SLC24A3: variants seen among roughly 807,000 people sequenced by gnomAD.
SLC24A3 encodes sodium/potassium/calcium exchanger 3.
SLC24A3 carries 28 observed loss-of-function variants against 75.8 expected under a neutral mutation model. The observed-to-expected ratio is 0.37, with a 90% confidence interval of 0.27 to 0.51. The LOEUF is 0.51. Among genes scored for constraint, SLC24A3 ranks in the 20% least tolerant of loss-of-function variants. SLC24A3 has a pLI of 0.94. For missense variants in SLC24A3, 663 were observed against 847.8 expected, an observed-to-expected ratio of 0.78 and a Z score of 2.71; for synonymous variants, 372 against 334.1, an observed-to-expected ratio of 1.11 and a Z score of -1.24.
At chr20:19,667,747 C>T (rs568100736) in intron 8 of SLC24A3, among the ~76,000 whole-genome samples, 15 of 152,356 alleles carry the variant, frequency 9.8e-5, no homozygotes, top group African/African-American at 3.4e-4. Flanking sequence ...GCCCATTTCA[C>T]TCCGTATCCT....
chr20:19,237,786 T>A (rs932839362), intron 1 of SLC24A3, among the ~76,000 whole-genome samples: 1 of 152,168 alleles, frequency 6.6e-6, no homozygotes, highest in African/African-American at 2.4e-5. Flanking sequence ...TGGTTTGGCC[T>A]CCTTCTCATC....
chr20:19,539,145 T>C (rs1194465784), intron 3 of SLC24A3, among the ~76,000 whole-genome samples: 4 of 151,834 alleles, frequency 2.6e-5, no homozygotes, highest in African/African-American at 9.7e-5. Context: ...CTGTTGTTTC[T>C]TGGGCTGATT....
chr20:19,585,698 C>G (rs2122638243), intron 6 of SLC24A3, among the ~76,000 whole-genome samples, 154 bp downstream of exon 6: 1 of 152,284 alleles, frequency 6.6e-6, no homozygotes, highest in South Asian at 2.1e-4. Context: ...TCCCAGGAGG[C>G]TGGCCCAGCT....
In SLC24A3 at chr20:19,721,340, A is replaced by G; in HGVS notation, c.*200A>G. 1 of 553,760 alleles carries G rather than the reference A, an allele frequency of 1.8e-6. No individual in the cohort carries two copies. The highest frequency in any genetic ancestry group is 1.9e-5 in the African/African-American group (1 of 51,486). 34.3% of individuals were successfully genotyped at this position (553,760 alleles called of 1,614,324 possible). ...CCACCTCCTTGGGTCATGCCCACCC[A>G]CCCTTTCCTGCCTCCTCCGTGTGAA... On this transcript the variant is annotated 3_prime_UTR_variant, in exon 17 of 17. Transcript: ENST00000328041.
At chr20:19,243,339 G>A (rs528734913) in intron 1 of SLC24A3, among the ~76,000 whole-genome samples, 12 of 152,362 alleles carry the variant, frequency 7.9e-5, no homozygotes, top group Non-Finnish European at 1.6e-4. Context: ...TGGGCTACAG[G>A]AGGTGAGGGA....
chr20:19,612,978 C>A (rs956736159), intron 6 of SLC24A3, among the ~76,000 whole-genome samples: 1 of 152,214 alleles, frequency 6.6e-6, no homozygotes, highest in Admixed American at 6.5e-5. Context: ...GTTTCCCACA[C>A]GGTCCTGCCT....
At chr20:19,213,461 G>A (rs1166748244) in intron 1 of SLC24A3, 1 of 152,710 alleles carries the variant, frequency 6.5e-6, no homozygotes, top group Non-Finnish European at 1.5e-5. Flanking sequence ...GGGATGGCCC[G>A]AGTAGAGAGC....
intron 1 of SLC24A3, among the ~76,000 whole-genome samples, chr20:19,265,063 C>T (rs1192722782): frequency 6.6e-6 from 1 of 152,198 alleles, no homozygotes. Context: ...AAACCCAAAC[C>T]AGGACACCTT....
In SLC24A3 at chr20:19,674,306, C is replaced by A. The variant is rs1221202006; in HGVS notation, c.767+652C>A. ...GCTTAAAAGCACAAACATGTATTAT[C>A]TCACACATTGTCTGAGAGTTAGGAA... On this transcript the variant is annotated intron_variant, in intron 9 of 16. Coordinates refer to ENST00000328041, the MANE Select transcript of SLC24A3 (RefSeq NM_020689.4). 3.3e-5 allele frequency among the ~76,000 whole-genome samples: 5 copies of A among 152,256 alleles called. No homozygotes were observed. In the East Asian group the frequency reaches 9.6e-4, roughly 29 times the overall value.
At chr20:19,481,828 C>T (rs990306164) in intron 2 of SLC24A3, among the ~76,000 whole-genome samples, 7 of 152,134 alleles carry the variant, frequency 4.6e-5, no homozygotes, top group Admixed American at 2.0e-4. Flanking sequence ...CTCTTTGGCC[C>T]CTCCCCTTAG....
At chr20:19,214,388 GACAGT>G (rs1483551347) in intron 1 of SLC24A3, among the ~76,000 whole-genome samples, 1 of 152,116 alleles carries the variant, frequency 6.6e-6, no homozygotes, top group Non-Finnish European at 1.5e-5. Flanking sequence ...TCTGTCTACT[GACAGT>G]CTCACTAAGG....
intron 4 of SLC24A3, among the ~76,000 whole-genome samples, chr20:19,581,382 T>G (rs2031216496): frequency 6.6e-6 from 1 of 152,224 alleles, no homozygotes; most frequent in African/African-American, 2.4e-5. Context: ...AATATCAAAA[T>G]TATATTCTGG....
At chr20:19,434,534 A>T (rs1239129910) in intron 2 of SLC24A3, among the ~76,000 whole-genome samples, 7 of 151,912 alleles carry the variant, frequency 4.6e-5, no homozygotes, top group Non-Finnish European at 8.8e-5. Flanking sequence ...TGCATTGGTG[A>T]CAAATGATTT....
chr20:19,556,843 G>GTCTGCAGA (rs1350092354), intron 3 of SLC24A3, among the ~76,000 whole-genome samples: 1 of 152,164 alleles, frequency 6.6e-6, no homozygotes, highest in Non-Finnish European at 1.5e-5. Context: ...CAATCATGAG[G>GTCTGCAGA]TCTGCAGACG....
intron 15 of SLC24A3, among the ~76,000 whole-genome samples, chr20:19,707,872 G>A (rs189205695): frequency 5.9e-5 from 9 of 152,308 alleles, no homozygotes; most frequent in African/African-American, 2.2e-4. Context: ...ATATTAAGTA[G>A]GTAGTGGAAA....
At chr20:19,295,666 G>A (rs144737983) in intron 2 of SLC24A3, among the ~76,000 whole-genome samples, 1,843 of 152,292 alleles carry the variant, frequency 0.012, 19 homozygotes, top group Non-Finnish European at 0.019. Context: ...TTATTGACTT[G>A]CATATGTTGA....
intron 1 of SLC24A3, among the ~76,000 whole-genome samples, chr20:19,239,361 A>G (rs1399446624): frequency 6.6e-6 from 1 of 152,140 alleles, no homozygotes; most frequent in East Asian, 1.9e-4. Flanking sequence ...GCAACTGGGG[A>G]TCCCACTGCC....
chr20:19,440,297 C>T (rs2328385), intron 2 of SLC24A3, among the ~76,000 whole-genome samples: 82,737 of 152,068 alleles, frequency 0.54, 24,407 homozygotes, highest in East Asian at 0.93. Context: ...TCAAGTTAGG[C>T]GCTCTGTGGT....
chr20:19,326,374 G>C (rs1039862872), intron 2 of SLC24A3, among the ~76,000 whole-genome samples: 2 of 151,970 alleles, frequency 1.3e-5, no homozygotes, highest in African/African-American at 4.8e-5. Flanking sequence ...GGCTGGGAGA[G>C]AACTACGAGA....
Sources: allele counts gnomAD v4.1 joint callset (sites outside exome capture counted in the v4.1 genomes callset), GRCh38; gene constraint gnomAD v4.1.1; transcripts MANE v1.5; gene names NCBI Gene and HGNC (gene_info 2026-07-23, HGNC 2026-07-21).